Variants in RYR1 observed in about 807,000 individuals in gnomAD.
RYR1 encodes central core disease of muscle.
In RYR1, 342 loss-of-function variants were observed where a neutral mutation model predicts 583.5. The observed-to-expected ratio is 0.59, with a 90% confidence interval of 0.54 to 0.64. RYR1 has a LOEUF of 0.64. Ranked by LOEUF, RYR1 falls within the 30% of genes least tolerant of loss-of-function variation. RYR1 has a pLI of 0.00. For missense variants in RYR1, 6,032 were observed against 6,917.2 expected (o/e 0.87, Z 4.54); for synonymous variants, 2,791 against 2,822.5 (o/e 0.99, Z 0.35).
intron 22 of RYR1, 35 bp downstream of exon 22, chr19:38,463,885 C>T (rs943685188): frequency 3.2e-6 from 5 of 1,539,280 alleles, no homozygotes; most frequent in Non-Finnish European, 4.5e-6. Context: ...TTGGGGCTGG[C>T]TGCTGGTGCG....
rs1387599950 is a variant in RYR1, at chr19:38,548,277, C to T, written c.12139C>T (p.Leu4047Phe). 6.8e-6 allele frequency: 11 copies of T among 1,614,218 alleles called. No homozygotes were observed. Among genetic ancestry groups the T allele is most frequent in the Non-Finnish European group, 9.3e-6 (11 of 1,180,040 alleles). The change falls in exon 89 of 106, where the codon CTC becomes TTC. Residue 4047 changes from leucine (L) to phenylalanine (F), a missense_variant. This residue lies in a region of RYR1 where 753 missense variants were observed against 759.6 expected (regional missense o/e 0.99). Transcript: ENST00000359596. ...GMIARQMVDMLVESSSNVEMI... is the reference protein window; with the variant it reads ...GMIARQMVDMFVESSSNVEMI... Reference sequence around the variant, plus strand: ...GATCGCCCGGCAGATGGTGGACATGCTCGTGGAATCCTCATCCAATGTGGA... The same window carrying T: ...GATCGCCCGGCAGATGGTGGACATGTTCGTGGAATCCTCATCCAATGTGGA...
At chr19:38,541,707 CTG>C (rs1384330095) in intron 84 of RYR1, among the ~76,000 whole-genome samples, 1 of 150,780 alleles carries the variant, frequency 6.6e-6, no homozygotes, top group African/African-American at 2.4e-5. Flanking sequence ...CAGAGCAAGA[CTG>C]TATCTCAAAA....
chr19:38,464,306 A>G (rs1463217076), intron 22 of RYR1, among the ~76,000 whole-genome samples: 1 of 141,342 alleles, frequency 7.1e-6, no homozygotes, highest in East Asian at 2.1e-4. Flanking sequence ...AAAAAAAAAA[A>G]AAAGAAGCAA....
Position 38,451,761 on chromosome 19 carries a change from T to C in RYR1, c.1123-3T>C, listed in dbSNP as rs750718796. On this transcript the variant is annotated splice_polypyrimidine_tract_variant and splice_region_variant and intron_variant, in intron 11 of 105. Coordinates refer to ENST00000359596, the MANE Select transcript of RYR1 (RefSeq NM_000540.3). ...CTCCAGACCTCTGTCTCCCCACTCC[T>C]AGGCCATGCTGCACCAGGAGGGCCA... 3 of 1,614,078 alleles carry C rather than the reference T, an allele frequency of 1.9e-6. No individual in the cohort carries two copies. Among genetic ancestry groups the C allele is most frequent in the Non-Finnish European group, 2.5e-6 (3 of 1,179,990 alleles).
rs1600773533 is a variant in RYR1 at position 38,486,136 on chromosome 19, C to T, written c.5481C>T (p.Arg1827=). The T allele has an allele frequency of 2.5e-6, 4 of 1,613,020 alleles. No individual in the cohort carries two copies. Among genetic ancestry groups the T allele is most frequent in the South Asian group, 1.1e-5 (1 of 91,078 alleles). The stretch of plus-strand genomic sequence containing the variant: ...TGCGCGACGGTGGGCAGCACGCTCG[C>T]GACCCCGTCGGGGGCTCCGTGGAGT... ...EAVRDGGQHA[R]DPVGGSVEFQ... The change falls in exon 34 of 106, where the codon CGC becomes CGT. Residue 1827 remains arginine (R), a synonymous_variant. Coordinates refer to ENST00000359596, the MANE Select transcript of RYR1 (RefSeq NM_000540.3).
chr19:38,481,450 T>A (rs891466645), intron 31 of RYR1, among the ~76,000 whole-genome samples: 1 of 152,060 alleles, frequency 6.6e-6, no homozygotes, highest in Admixed American at 6.6e-5. Context: ...TCGACCAGGG[T>A]CATATATTTT....
At chr19:38,535,894 C>A in intron 81 of RYR1, 103 bp from the exon 82 acceptor site, 1 of 986,762 alleles carries the variant, frequency 1.0e-6, no homozygotes, top group Non-Finnish European at 1.6e-6. Flanking sequence ...AGATGGTTTA[C>A]TGTGGCTCTC....
chr19:38,534,266 C>G (rs2145742555), intron 78 of RYR1, among the ~76,000 whole-genome samples: 1 of 152,182 alleles, frequency 6.6e-6, no homozygotes, highest in South Asian at 2.1e-4. Context: ...CTGCCTCGGC[C>G]TCCCAAAGTG....
intron 84 of RYR1, chr19:38,538,441 G>A (rs1453552875): frequency 1.1e-5 from 2 of 178,520 alleles, no homozygotes; most frequent in Admixed American, 1.1e-4. Flanking sequence ...TAGCCACTTT[G>A]TTTCCCCCTC....
At chr19:38,456,285 T>C (rs1967384929) in intron 16 of RYR1, among the ~76,000 whole-genome samples, 1 of 146,644 alleles carries the variant, frequency 6.8e-6, no homozygotes, top group African/African-American at 2.5e-5. Context: ...TTTTTTTTTT[T>C]TTTTTTTTGA....
chr19:38,518,597 G>T (rs1223783488), intron 66 of RYR1, among the ~76,000 whole-genome samples: 1 of 151,770 alleles, frequency 6.6e-6, no homozygotes, highest in African/African-American at 2.4e-5. Flanking sequence ...GGCCAGGTCA[G>T]AGGTTAAAGA....
intron 1 of RYR1, among the ~76,000 whole-genome samples, chr19:38,439,478 C>T (rs1029528879): frequency 4.7e-5 from 7 of 150,396 alleles, no homozygotes; most frequent in African/African-American, 7.4e-5. Context: ...GGATTACAGG[C>T]GTGAGCCACC....
intron 84 of RYR1, among the ~76,000 whole-genome samples, chr19:38,539,400 G>A (rs1050580126): frequency 1.3e-5 from 2 of 151,712 alleles, no homozygotes. Context: ...CACCATGTCT[G>A]GCTAAGTTTT....
intron 89 of RYR1, among the ~76,000 whole-genome samples, chr19:38,556,287 G>A (rs746354874): frequency 6.6e-6 from 1 of 151,930 alleles, no homozygotes; most frequent in Admixed American, 6.6e-5. Context: ...GTTTGAGCCA[G>A]CCTGCGTAAC....
intron 76 of RYR1, among the ~76,000 whole-genome samples, chr19:38,532,167 GCT>G (rs1292203037): frequency 1.3e-5 from 2 of 150,834 alleles, no homozygotes; most frequent in African/African-American, 4.9e-5. Flanking sequence ...TGTCACCCAG[GCT>G]GGAGTACGGT....
intron 76 of RYR1, 48 bp from the exon 77 acceptor site, chr19:38,532,442 G>T: frequency 6.3e-7 from 1 of 1,598,684 alleles, no homozygotes; most frequent in Non-Finnish European, 8.6e-7. Flanking sequence ...TTATAAGATG[G>T]GGGTCCTCTC....
intron 4 of RYR1, 40 bp from the exon 5 acceptor site, chr19:38,443,678 G>C (rs1265852711): frequency 6.2e-7 from 1 of 1,613,606 alleles, no homozygotes; most frequent in Non-Finnish European, 8.5e-7. Flanking sequence ...GGGCATGTGG[G>C]GCCTGCTAGA....
chr19:38,464,325 C>A, intron 22 of RYR1, among the ~76,000 whole-genome samples: 5 of 130,166 alleles, frequency 3.8e-5, no homozygotes, highest in South Asian at 2.5e-4. Context: ...AAACGGGGAG[C>A]AAGAAAGGGA....
At chr19:38,527,875 T>G (rs1353946740) in intron 73 of RYR1, 91 bp downstream of exon 73, 1 of 1,501,284 alleles carries the variant, frequency 6.7e-7, no homozygotes. Context: ...GGTCTGGAGA[T>G]GACTATTAAG....
Sources: gnomAD v4.1 joint callset for allele counts (sites outside exome capture counted in the v4.1 genomes callset) on GRCh38, gnomAD v4.1.1 for gene constraint, gnomAD v4.1.1 regional missense constraint, MANE v1.5 for transcripts, NCBI Gene and HGNC (gene_info 2026-07-23, HGNC 2026-07-21) for gene names.